Variants in ZNF469 observed in about 807,000 individuals in gnomAD.
The protein encoded by ZNF469 is zinc finger protein 469.
ZNF469 carries 1 observed loss-of-function variant against 1.0 expected under a neutral mutation model. The ratio of observed to expected loss-of-function variants is 1.00; its 90% CI spans 0.35 to 4.73. ZNF469 has a LOEUF of 4.73. ZNF469 is among the 30% of genes most tolerant of loss of function. The probability of loss-of-function intolerance (pLI) is 0.16; values close to 1 mark genes in which losing one functional copy is unlikely to be tolerated. For missense variants in ZNF469, 6,100 were observed against 5,356.3 expected (o/e 1.14, Z -4.33); for synonymous variants, 2,703 against 2,363.4 (o/e 1.14, Z -4.17).
the ZNF469 span, among the ~76,000 whole-genome samples, chr16:88,105,562 C>T: frequency 1.3e-5 from 2 of 152,178 alleles, no homozygotes; most frequent in Non-Finnish European, 2.9e-5. Context: ...GCCTCGGCCT[C>T]CCAAAGTGCT....
chr16:88,187,674 A>T, the ZNF469 span, among the ~76,000 whole-genome samples: 1 of 151,780 alleles, frequency 6.6e-6, no homozygotes, highest in African/African-American at 2.4e-5. Flanking sequence ...TGGTTTATAG[A>T]AACAGTTTGA....
chr16:88,150,576 A>G, the ZNF469 span, among the ~76,000 whole-genome samples: 1 of 152,176 alleles, frequency 6.6e-6, no homozygotes, highest in Non-Finnish European at 1.5e-5. Context: ...TGCCTGGAAC[A>G]GTGCCCAGGA....
intron 1 of ZNF469, among the ~76,000 whole-genome samples, chr16:88,416,625 G>A (rs1315872515): frequency 6.6e-6 from 1 of 152,238 alleles, no homozygotes; most frequent in Admixed American, 6.5e-5. Flanking sequence ...GTGAGAAATT[G>A]CACGCAGGGC....
the ZNF469 span, among the ~76,000 whole-genome samples, chr16:88,235,762 C>A: frequency 3.3e-5 from 5 of 152,346 alleles, no homozygotes; most frequent in East Asian, 1.9e-4. Flanking sequence ...TTATTCTGAG[C>A]CAGATGTGAG....
At chr16:88,219,058 C>T in the ZNF469 span, among the ~76,000 whole-genome samples, 1 of 149,754 alleles carries the variant, frequency 6.7e-6, no homozygotes, top group African/African-American at 2.5e-5. Context: ...ATCCAACTGA[C>T]AAGGGATGTG....
At chr16:88,216,290 T>C in the ZNF469 span, among the ~76,000 whole-genome samples, 21 of 152,072 alleles carry the variant, frequency 1.4e-4, no homozygotes, top group Middle Eastern at 0.01. Context: ...GGTCAGGAGA[T>C]CGAGAACATC....
At chr16:88,153,272 G>A in the ZNF469 span, among the ~76,000 whole-genome samples, 25 of 152,328 alleles carry the variant, frequency 1.6e-4, no homozygotes, top group East Asian at 2.3e-3. Flanking sequence ...CCTCGCCTTC[G>A]TGGGGGGCCT....
chr16:88,319,711 G>T, the ZNF469 span, among the ~76,000 whole-genome samples: 1 of 152,200 alleles, frequency 6.6e-6, no homozygotes, highest in Non-Finnish European at 1.5e-5. Context: ...TGGGTTTGTG[G>T]ATGCTGCAGG....
At chr16:88,158,038 C>T in the ZNF469 span, among the ~76,000 whole-genome samples, 1,231 of 152,096 alleles carry the variant, frequency 8.1e-3, 27 homozygotes, top group African/African-American at 0.028. Context: ...GGTCCTGCTG[C>T]GGGGATGCTC....
chr16:88,184,218 G>A, the ZNF469 span, among the ~76,000 whole-genome samples: 3 of 152,124 alleles, frequency 2.0e-5, no homozygotes, highest in Non-Finnish European at 4.4e-5. Flanking sequence ...CCGTGCCAGG[G>A]AAGACCGATC....
chr16:88,125,781 A>T, the ZNF469 span, among the ~76,000 whole-genome samples: 2,047 of 152,332 alleles, frequency 0.013, 51 homozygotes, highest in African/African-American at 0.047. Flanking sequence ...TGCAAATGGT[A>T]TTTTTTAAAA....
chr16:88,140,552 C>T, the ZNF469 span, among the ~76,000 whole-genome samples: 83,932 of 150,728 alleles, frequency 0.56, 27,798 homozygotes, highest in Non-Finnish European at 0.76. Flanking sequence ...GCAGAAAAGC[C>T]GGGGGCCTTG....
At chr16:88,187,489 A>G in the ZNF469 span, among the ~76,000 whole-genome samples, 1 of 152,226 alleles carries the variant, frequency 6.6e-6, no homozygotes, top group African/African-American at 2.4e-5. Flanking sequence ...GAATTACGCC[A>G]ATTACAGTAG....
intron 2 of ZNF469, among the ~76,000 whole-genome samples, chr16:88,425,424 T>C (rs1234200035): frequency 6.6e-6 from 1 of 151,810 alleles, no homozygotes; most frequent in Non-Finnish European, 1.5e-5. Context: ...GTCTGGGCCA[T>C]GTGGGACATG....
the ZNF469 span, among the ~76,000 whole-genome samples, chr16:88,103,795 T>G: frequency 3.1e-5 from 4 of 129,758 alleles, no homozygotes; most frequent in African/African-American, 6.2e-5. Context: ...GCATGGGGGG[T>G]TGGTGGGATA....
the ZNF469 span, among the ~76,000 whole-genome samples, chr16:88,304,253 G>A: frequency 6.6e-6 from 1 of 152,202 alleles, no homozygotes; most frequent in African/African-American, 2.4e-5. Context: ...ACAGCCCAGC[G>A]CTGCAGCCCG....
chr16:88,435,677 A>G lies in ZNF469; in HGVS notation c.8207A>G (p.Asp2736Gly), dbSNP rs1203316624. Residue 2736 changes from aspartate to glycine, a missense_variant, in exon 3 of 3, where the codon GAT (aspartate) becomes GGT (glycine). Physicochemically the swap from Asp to Gly is moderately conservative, Grantham distance 94. Coordinates refer to ENST00000565624, the MANE Select transcript of ZNF469 (RefSeq NM_001367624.2). ...GDRMLCPGRMDGAALGEQPTG... is the reference protein window; with the variant it reads ...GDRMLCPGRMGGAALGEQPTG... ...CGGATGCTGTGTCCAGGGAGGATGG[A>G]TGGTGCAGCTCTGGGGGAACAGCCA... 1.9e-6 allele frequency: 3 copies of G among 1,550,418 alleles called. No individual in the cohort carries two copies. The highest frequency in any genetic ancestry group is 2.6e-6 in the Non-Finnish European group (3 of 1,146,988).
chr16:88,309,316 G>C, the ZNF469 span, among the ~76,000 whole-genome samples: 1 of 152,240 alleles, frequency 6.6e-6, no homozygotes, highest in Non-Finnish European at 1.5e-5. Context: ...GGACACCTCC[G>C]AGCTGGGCCA....
At chr16:88,109,655 C>T in the ZNF469 span, among the ~76,000 whole-genome samples, 1 of 149,142 alleles carries the variant, frequency 6.7e-6, no homozygotes, top group African/African-American at 2.5e-5. Flanking sequence ...GCGTCTGTGT[C>T]CACGCTGTCT....
Sources: allele counts gnomAD v4.1 joint callset (sites outside exome capture counted in the v4.1 genomes callset), GRCh38; gene constraint gnomAD v4.1.1; transcripts MANE v1.5; gene names NCBI Gene and HGNC (gene_info 2026-07-23, HGNC 2026-07-21).